The following KCNAB1 variants were observed in gnomAD, a reference collection of about 807,000 sequenced individuals.
The protein encoded by KCNAB1 is voltage-gated potassium channel subunit beta-1.
KCNAB1 carries 35 observed loss-of-function variants against 64.6 expected under a neutral mutation model. That is an observed-to-expected ratio of 0.54 (90% CI 0.41 to 0.72). The LOEUF (loss-of-function observed/expected upper bound fraction) is 0.72. Among genes scored for constraint, KCNAB1 ranks in the 30% least tolerant of loss-of-function variants. The pLI is 0.00. For synonymous variants in KCNAB1, 177 were observed against 183.8 expected (o/e 0.96, Z 0.30); for missense variants, 401 against 512.9 (o/e 0.78, Z 2.11).
Position 156,516,364 on chromosome 3 carries a change from G to C in KCNAB1, c.960G>C (p.Lys320Asn), listed in dbSNP as rs1367871391. The C allele has an allele frequency of 6.2e-7, 1 of 1,607,152 alleles. No individual in the cohort carries two copies. Among genetic ancestry groups the C allele is most frequent in the Non-Finnish European group, 8.5e-7 (1 of 1,173,640 alleles). The change falls in exon 11 of 14, where the codon AAG becomes AAC. Residue 320 changes from lysine (K) to asparagine (N), a missense_variant and splice_region_variant. By Grantham distance (94) the Lys-to-Asn change is moderately conservative. Transcript: ENST00000490337. ...CTGAAAGTTCCAGGGCTTCACTGAA[G>C]GTATTTTTCTCAATGTCTAGAAAAA... ...GVPESSRASL[K>N]CYQWLKERIV... is the part of the protein sequence containing the mutation.
upstream of KCNAB1, among the ~76,000 whole-genome samples, chr3:156,118,767 C>T (rs957885063): frequency 6.6e-5 from 10 of 152,216 alleles, no homozygotes; most frequent in East Asian, 1.7e-3. Flanking sequence ...GCCCTTTCCA[C>T]AGTTCCATTG....
At chr3:156,327,414 T>A (rs896073834) in intron 1 of KCNAB1, among the ~76,000 whole-genome samples, 4 of 152,142 alleles carry the variant, frequency 2.6e-5, no homozygotes, top group African/African-American at 9.6e-5. Context: ...ATATATTAAT[T>A]TCTATATGCT....
At chr3:156,422,691 A>G (rs939004902) in intron 2 of KCNAB1, among the ~76,000 whole-genome samples, 5 of 152,168 alleles carry the variant, frequency 3.3e-5, no homozygotes, top group Non-Finnish European at 5.9e-5. Context: ...GGAGAGCTAG[A>G]TATATTAACT....
At chr3:156,310,477 G>T (rs116039106) in intron 1 of KCNAB1, among the ~76,000 whole-genome samples, 2,140 of 152,202 alleles carry the variant, frequency 0.014, 20 homozygotes, top group South Asian at 0.032. Flanking sequence ...GGTGGGACAG[G>T]GTAGGTATGC....
chr3:156,136,341 A>C (rs1386590853), intron 1 of KCNAB1, among the ~76,000 whole-genome samples: 2 of 152,194 alleles, frequency 1.3e-5, no homozygotes, highest in East Asian at 3.8e-4. Context: ...AGAAACTGTG[A>C]CTCAGAAAGT....
intron 1 of KCNAB1, among the ~76,000 whole-genome samples, chr3:156,285,069 G>A (rs539969351): frequency 7.0e-4 from 106 of 152,316 alleles, no homozygotes; most frequent in Non-Finnish European, 1.2e-3. Context: ...GGGAGGCAGC[G>A]TGAGTTTAAA....
intron 1 of KCNAB1, among the ~76,000 whole-genome samples, chr3:156,342,828 G>C (rs942868646): frequency 5.3e-5 from 8 of 151,940 alleles, no homozygotes; most frequent in African/African-American, 1.9e-4. Context: ...ATCTTCAAGA[G>C]GGAAGTCCAA....
chr3:156,470,383 T>C (rs1006742100), intron 7 of KCNAB1, among the ~76,000 whole-genome samples: 4 of 152,308 alleles, frequency 2.6e-5, no homozygotes, highest in Middle Eastern at 3.4e-3. Flanking sequence ...TGGCTGGGCA[T>C]GGTGGCTTAT....
chr3:156,327,386 A>G (rs887306916), intron 1 of KCNAB1, among the ~76,000 whole-genome samples: 7 of 152,184 alleles, frequency 4.6e-5, no homozygotes, highest in Non-Finnish European at 7.4e-5. Flanking sequence ...AGGATGATCC[A>G]TAATGAGATA....
At chr3:156,129,258 G>A (rs1020120121) in intron 1 of KCNAB1, among the ~76,000 whole-genome samples, 4 of 151,976 alleles carry the variant, frequency 2.6e-5, no homozygotes, top group East Asian at 1.9e-4. Flanking sequence ...TTGAGCCTTC[G>A]TTATTCTACT....
chr3:156,469,862 T>C (rs963523948), intron 7 of KCNAB1, among the ~76,000 whole-genome samples: 3 of 152,226 alleles, frequency 2.0e-5, no homozygotes, highest in Non-Finnish European at 4.4e-5. Context: ...GGACATGAGA[T>C]GAGACCCAAA....
At chr3:156,293,815 A>G (rs986855175) in intron 1 of KCNAB1, among the ~76,000 whole-genome samples, 6 of 152,196 alleles carry the variant, frequency 3.9e-5, no homozygotes, top group Admixed American at 6.5e-5. Context: ...GCTGTGGCAC[A>G]CACGCAGCCC....
chr3:156,371,198 C>T (rs1726282396), intron 1 of KCNAB1, among the ~76,000 whole-genome samples: 1 of 152,138 alleles, frequency 6.6e-6, no homozygotes, highest in Admixed American at 6.5e-5. Context: ...CACCATCTGC[C>T]CTCAAGGGGT....
chr3:156,136,986 T>C (rs1166187000), intron 1 of KCNAB1, among the ~76,000 whole-genome samples: 3 of 152,194 alleles, frequency 2.0e-5, no homozygotes, highest in Non-Finnish European at 4.4e-5. Flanking sequence ...TAGAGATCTA[T>C]AGATGTAGTC....
chr3:156,203,924 C>T (rs764625836), intron 1 of KCNAB1, among the ~76,000 whole-genome samples: 1 of 152,076 alleles, frequency 6.6e-6, no homozygotes, highest in Non-Finnish European at 1.5e-5. Flanking sequence ...TCTGTGATTA[C>T]TCATATATTC....
At chr3:156,478,471 A>T (rs867640098) in intron 8 of KCNAB1, among the ~76,000 whole-genome samples, 10 of 152,184 alleles carry the variant, frequency 6.6e-5, no homozygotes, top group African/African-American at 2.4e-4. Context: ...AGCACTTTCA[A>T]ATGAGTTCAG....
intron 8 of KCNAB1, among the ~76,000 whole-genome samples, chr3:156,513,623 C>T (rs77733924): frequency 0.018 from 2,796 of 152,288 alleles, 75 homozygotes; most frequent in South Asian, 0.054. Context: ...ATTTGCTCAG[C>T]TCCATCCTCT....
chr3:156,299,274 A>C (rs1239568785), intron 1 of KCNAB1, among the ~76,000 whole-genome samples: 1 of 152,240 alleles, frequency 6.6e-6, no homozygotes, highest in Non-Finnish European at 1.5e-5. Context: ...CAGAATTTGC[A>C]GCCCAAGCTT....
chr3:156,307,335 C>G (rs766334926), intron 1 of KCNAB1, among the ~76,000 whole-genome samples: 3 of 150,024 alleles, frequency 2.0e-5, no homozygotes, highest in Non-Finnish European at 4.4e-5. Context: ...TTATGAAAAC[C>G]AGGAACTTCT....
Sources: gnomAD v4.1 joint callset for allele counts (sites outside exome capture counted in the v4.1 genomes callset) on GRCh38, gnomAD v4.1.1 for gene constraint, MANE v1.5 for transcripts, NCBI Gene and HGNC (gene_info 2026-07-23, HGNC 2026-07-21) for gene names.